The following CDH4 variants were observed in gnomAD, a reference collection of about 807,000 sequenced individuals.
The protein encoded by CDH4 is cadherin-4.
In CDH4, 33 loss-of-function variants were observed where a neutral mutation model predicts 86.0. The observed-to-expected ratio is 0.38, with a 90% CI of 0.29 to 0.51. The LOEUF is 0.51. CDH4 is among the 20% of genes least tolerant of loss of function. CDH4 has a pLI of 0.86. For synonymous variants in CDH4, 555 were observed against 549.4 expected, an observed-to-expected ratio of 1.01 and a Z score of -0.14; for missense variants, 1,114 against 1,307.4, an observed-to-expected ratio of 0.85 and a Z score of 2.28.
In CDH4 at chr20:61,852,890, C is replaced by G. The variant is rs1179035199; in HGVS notation, c.869C>G (p.Ser290Cys). 6.2e-7 allele frequency: 1 copy of G among 1,613,852 alleles called. No homozygotes were observed. The highest frequency in any genetic ancestry group is 8.5e-7 in the Non-Finnish European group (1 of 1,179,896). The change falls in exon 6 of 16, where the codon TCC becomes TGC. Residue 290 changes from serine to cysteine, a missense_variant. By Grantham distance (112) the Ser-to-Cys change is moderately radical. Coordinates refer to ENST00000614565, the MANE Select transcript of CDH4 (RefSeq NM_001794.5). ...TACAACGGCTCCGTGGACGAGGGCT[C>G]CAAGCCAGGTGAGGCCTTTAGCGTT... is the stretch of plus-strand genomic sequence containing the variant. ...QVYNGSVDEG[S>C]KPGTYVMTVT...
At chr20:61,487,365 A>C in intron 2 of CDH4, among the ~76,000 whole-genome samples, 1 of 152,222 alleles carries the variant, frequency 6.6e-6, no homozygotes, top group East Asian at 1.9e-4. Context: ...AATTTGGGTC[A>C]GGATTATTGG....
At chr20:61,621,317 CCAA>C (rs2086775386) in intron 2 of CDH4, among the ~76,000 whole-genome samples, 1 of 152,224 alleles carries the variant, frequency 6.6e-6, no homozygotes. Context: ...AACTCTTTCT[CCAA>C]CAACAGCCTG....
rs1475354173 is a variant in CDH4 at position 61,681,907 on chromosome 20, A to C, written c.170-61656A>C. On this transcript the variant is annotated intron_variant, in intron 2 of 15. Coordinates refer to ENST00000614565, the MANE Select transcript of CDH4 (RefSeq NM_001794.5). The surrounding 1 kb of genome is among the most constrained non-coding windows in gnomAD (Gnocchi z 4.5). ...CAGAAAATGACGTGATGCCAAGGCC[A>C]GGGCTGTGAACTTGCAGGAGCTGCC... 6.6e-6 allele frequency among the ~76,000 whole-genome samples: 1 copy of C among 152,246 alleles called. No individual in the cohort carries two copies. Among genetic ancestry groups the C allele is most frequent in the African/African-American group, 2.4e-5 (1 of 41,464 alleles).
intron 2 of CDH4, among the ~76,000 whole-genome samples, chr20:61,618,751 G>T (rs559576798): frequency 1.3e-5 from 2 of 152,346 alleles, no homozygotes; most frequent in Admixed American, 6.5e-5. Context: ...GAATTCACTC[G>T]TGTGAGCAAT....
At chr20:61,606,088 G>A (rs756384116) in intron 2 of CDH4, among the ~76,000 whole-genome samples, 5 of 152,106 alleles carry the variant, frequency 3.3e-5, no homozygotes, top group African/African-American at 4.8e-5. Context: ...AGGGCTGCCC[G>A]TGCAGGTGAT....
chr20:61,468,456 A>G (rs769648120), intron 2 of CDH4, among the ~76,000 whole-genome samples: 7 of 152,134 alleles, frequency 4.6e-5, no homozygotes, highest in Non-Finnish European at 7.3e-5. Context: ...TTTGGGATAC[A>G]TGAGATATTT....
intron 2 of CDH4, among the ~76,000 whole-genome samples, chr20:61,731,237 G>C (rs1051320435): frequency 1.8e-4 from 27 of 152,094 alleles, no homozygotes; most frequent in Non-Finnish European, 3.1e-4. Flanking sequence ...CCCATTCTGA[G>C]GGTCTCCTGA....
chr20:61,444,410 T>C (rs1415304617), intron 2 of CDH4, among the ~76,000 whole-genome samples: 3 of 152,080 alleles, frequency 2.0e-5, no homozygotes, highest in African/African-American at 7.2e-5. Context: ...TATTTGTGTG[T>C]ATCTGTATAT....
rs138331921 is a variant in CDH4 at position 61,617,874 on chromosome 20, G to A, written c.170-125689G>A. Among the ~76,000 whole-genome samples the A allele has an allele frequency of 5.0e-4, 76 of 152,286 alleles. No homozygotes were observed. In the East Asian group the frequency reaches 0.013, roughly 26 times the overall value. ...ATTCCCACATGTTGAGGAGGGACCCGGTGGGAGGTAATTGAATCATGGAGG... is the reference window on the plus strand; with the variant it reads ...ATTCCCACATGTTGAGGAGGGACCCAGTGGGAGGTAATTGAATCATGGAGG... On this transcript the variant is annotated intron_variant, in intron 2 of 15. Coordinates refer to ENST00000614565, the MANE Select transcript of CDH4 (RefSeq NM_001794.5).
intron 3 of CDH4, among the ~76,000 whole-genome samples, chr20:61,746,077 C>T (rs2088411003): frequency 6.6e-6 from 1 of 151,930 alleles, no homozygotes; most frequent in African/African-American, 2.4e-5. Flanking sequence ...CTGGGGAGCC[C>T]AGATGTTAAA....
chr20:61,660,673 T>A (rs1208298232), intron 2 of CDH4, among the ~76,000 whole-genome samples: 1 of 152,176 alleles, frequency 6.6e-6, no homozygotes, highest in Non-Finnish European at 1.5e-5. Context: ...CTGAGTGGGA[T>A]GCGACCTCAC....
Position 61,256,897 on chromosome 20 carries a change from G to A in CDH4, c.169+1960G>A, listed in dbSNP as rs547314169. 1.8e-4 allele frequency among the ~76,000 whole-genome samples: 27 copies of A among 152,196 alleles called. 1 individual carries two copies. In the South Asian group the frequency reaches 4.8e-3, roughly 27 times the overall value. ...TGTAGAGTCTCAGGAAGAAAGAGAT[G>A]TTTTATATCTTACAAATAATTTTGC... On this transcript the variant is annotated intron_variant, in intron 2 of 15. Transcript: ENST00000614565.
chr20:61,905,932 A>G (rs1386671210), intron 8 of CDH4, among the ~76,000 whole-genome samples: 3 of 152,040 alleles, frequency 2.0e-5, no homozygotes, highest in Admixed American at 1.3e-4. Context: ...CTCTCCCTTC[A>G]GGCATGGCTG....
Position 61,936,718 on chromosome 20 carries a change from C to T in CDH4, c.2545-19C>T, listed in dbSNP as rs776621304. Reference sequence around the variant, plus strand: ...AGACAACGCGTCCTGCACCCTAACTCTGTGTCTGTGACCCCCAGGGACTCC... The same window carrying T: ...AGACAACGCGTCCTGCACCCTAACTTTGTGTCTGTGACCCCCAGGGACTCC... On this transcript the variant is annotated intron_variant, in intron 15 of 15. Coordinates refer to ENST00000614565, the MANE Select transcript of CDH4 (RefSeq NM_001794.5). 1.3e-6 allele frequency: 2 copies of T among 1,515,536 alleles called. No individual in the cohort carries two copies. The highest frequency in any genetic ancestry group is 1.8e-6 in the Non-Finnish European group (2 of 1,132,392). 93.9% of individuals were successfully genotyped at this position (1,515,536 alleles called of 1,614,324 possible).
chr20:61,321,110 C>T (rs1043142356), intron 2 of CDH4, among the ~76,000 whole-genome samples: 19 of 152,200 alleles, frequency 1.2e-4, no homozygotes, highest in Non-Finnish European at 2.9e-5. Flanking sequence ...TGGTCAGCCA[C>T]ACCGCACATT....
intron 2 of CDH4, among the ~76,000 whole-genome samples, chr20:61,376,617 G>T (rs1352049659): frequency 6.6e-6 from 1 of 152,126 alleles, no homozygotes; most frequent in African/African-American, 2.4e-5. Context: ...AGGCTAGTCT[G>T]GGGCCATGAT....
intron 2 of CDH4, among the ~76,000 whole-genome samples, chr20:61,387,304 A>T (rs777891480): frequency 4.6e-5 from 7 of 151,926 alleles, no homozygotes; most frequent in Non-Finnish European, 7.4e-5. Context: ...AAACATACAC[A>T]TACATATACA....
chr20:61,655,775 A>T (rs2087180587), intron 2 of CDH4, among the ~76,000 whole-genome samples: 1 of 152,248 alleles, frequency 6.6e-6, no homozygotes, highest in African/African-American at 2.4e-5. Flanking sequence ...CAGCCAGCAC[A>T]AGTCCCTGTC....
chr20:61,602,035 G>A (rs867305373), intron 2 of CDH4, among the ~76,000 whole-genome samples: 5 of 152,190 alleles, frequency 3.3e-5, no homozygotes, highest in East Asian at 1.9e-4. Flanking sequence ...CTGGCAAAGC[G>A]TTTGACTCCC....
Sources: gnomAD v4.1 joint callset for allele counts (sites outside exome capture counted in the v4.1 genomes callset) on GRCh38, gnomAD v4.1.1 for gene constraint, Gnocchi (gnomAD v3.1) non-coding constraint, MANE v1.5 for transcripts, NCBI Gene and HGNC (gene_info 2026-07-23, HGNC 2026-07-21) for gene names.